Variants in PPFIA3 observed in about 807,000 individuals in gnomAD.
PPFIA3 encodes liprin-alpha-3.
Under a neutral mutation model 145.8 loss-of-function variants are expected in PPFIA3, and 26 were observed. The observed-to-expected ratio is 0.18, with a 90% CI of 0.13 to 0.25. The LOEUF is 0.25. Ranked by LOEUF, PPFIA3 falls within the 10% of genes least tolerant of loss-of-function variation. The pLI, the probability that PPFIA3 is intolerant of heterozygous loss-of-function variation, is 1.00. For synonymous variants in PPFIA3, 645 were observed against 661.4 expected, an observed-to-expected ratio of 0.98 and a Z score of 0.38; for missense variants, 1,008 against 1,587.8, an observed-to-expected ratio of 0.63 and a Z score of 6.21.
rs1274301138 is a variant in PPFIA3 at position 49,134,028 on chromosome 19, G to T, written c.1246-6G>T. 6.2e-7 allele frequency: 1 copy of T among 1,611,798 alleles called. No homozygotes were observed. The highest frequency in any genetic ancestry group is 8.5e-7 in the Non-Finnish European group (1 of 1,179,006). On this transcript the variant is annotated splice_region_variant and splice_polypyrimidine_tract_variant and intron_variant, in intron 10 of 29. Coordinates refer to ENST00000334186, the MANE Select transcript of PPFIA3 (RefSeq NM_003660.4). Reference sequence around the variant, plus strand: ...TTAACAACCCGCCCCGCTCTGCTTTGCGCAGGCCCGGCAGCGGGAGAAGAT... The same window carrying T: ...TTAACAACCCGCCCCGCTCTGCTTTTCGCAGGCCCGGCAGCGGGAGAAGAT...
intron 20 of PPFIA3, 59 bp downstream of exon 20, chr19:49,142,174 G>T: frequency 7.0e-7 from 1 of 1,437,476 alleles, no homozygotes; most frequent in African/African-American, 1.4e-5. Flanking sequence ...CAGCCCCACT[G>T]GTAGGGGCTG....
chr19:49,126,064 C>G (rs2040994448), intron 1 of PPFIA3, among the ~76,000 whole-genome samples: 1 of 152,062 alleles, frequency 6.6e-6, no homozygotes, highest in Non-Finnish European at 1.5e-5. Flanking sequence ...GATTCTCCTG[C>G]CTCAGCCTCC....
In PPFIA3 at chr19:49,133,553, G is replaced by A. The variant is rs1413554048; in HGVS notation, c.1161+182G>A. ...GGGGAGGGCCTGGAGGTTTGCGCGG[G>A]GGACGGATGGGAGCGGGGTTCTCTA... On this transcript the variant is annotated intron_variant, in intron 9 of 29. Transcript: ENST00000334186. This position sits in a 1 kb window ranked among gnomAD's most constrained non-coding sequence, Gnocchi z 7.2. 1.3e-5 allele frequency among the ~76,000 whole-genome samples: 2 copies of A among 152,172 alleles called. No homozygotes were observed. Among genetic ancestry groups the A allele is most frequent in the African/African-American group, 4.8e-5 (2 of 41,436 alleles).
Position 49,128,587 on chromosome 19 carries a change from T to C in PPFIA3, c.342+119T>C. 1.1e-6 allele frequency: 1 copy of C among 933,092 alleles called. No individual in the cohort carries two copies. The highest frequency in any genetic ancestry group is 1.6e-6 in the Non-Finnish European group (1 of 607,536). 57.8% of individuals were successfully genotyped at this position (933,092 alleles called of 1,614,324 possible). A position where few individuals can be genotyped will look rare whatever the true frequency, so the allele number is the denominator to read the frequency against. ...TTTTTTCCCCCATCTCGCCTTTCTG[T>C]CTTCTCCTCTTCCCTGCTCCCACTT... On this transcript the variant is annotated intron_variant, in intron 3 of 29. Transcript: ENST00000334186. This position sits in a 1 kb window ranked among gnomAD's most constrained non-coding sequence, Gnocchi z 4.1.
In PPFIA3 at chr19:49,130,801, A is replaced by G. The variant is rs1325148818; in HGVS notation, c.879+202A>G. Among the ~76,000 whole-genome samples, 1 of 152,232 alleles carries G rather than the reference A, an allele frequency of 6.6e-6. No individual in the cohort carries two copies. Among genetic ancestry groups the G allele is most frequent in the Admixed American group, 6.5e-5 (1 of 15,276 alleles). On this transcript the variant is annotated intron_variant, in intron 7 of 29. Transcript: ENST00000334186. The surrounding 1 kb of genome is among the most constrained non-coding windows in gnomAD (Gnocchi z 4.5). ...GCCTGTGGCGCAGAGTAGGCGCTCC[A>G]TAACTGCTCGTAATTACTTTGTTAC...
At chr19:49,143,925 T>A (rs1049816272) in intron 21 of PPFIA3, among the ~76,000 whole-genome samples, 9 of 152,218 alleles carry the variant, frequency 5.9e-5, no homozygotes, top group African/African-American at 2.2e-4. Context: ...GAGCCAAGCC[T>A]AAACATGAAA....
intron 21 of PPFIA3, chr19:49,145,586 C>G (rs567232934): frequency 3.5e-6 from 1 of 286,386 alleles, no homozygotes; most frequent in South Asian, 4.3e-5. Flanking sequence ...AAATGTGAAC[C>G]CCCCCCGCCA....
intron 20 of PPFIA3, among the ~76,000 whole-genome samples, chr19:49,142,366 A>G (rs148883672): frequency 7.0e-4 from 104 of 149,606 alleles, no homozygotes; most frequent in African/African-American, 2.2e-3. Flanking sequence ...CGTTCTCTCT[A>G]CTCTCTCTTT....
At chr19:49,139,082 A>G (rs570611373) in intron 16 of PPFIA3, among the ~76,000 whole-genome samples, 4 of 152,098 alleles carry the variant, frequency 2.6e-5, no homozygotes, top group Non-Finnish European at 5.9e-5. Flanking sequence ...ACTCCCTTAA[A>G]TTCAGCTTTC....
In PPFIA3 at chr19:49,136,926, C is replaced by T. The variant is rs780690007; in HGVS notation, c.1853+15C>T. 7.6e-5 allele frequency: 114 copies of T among 1,501,954 alleles called. No individual in the cohort carries two copies. Among genetic ancestry groups the T allele is most frequent in the Middle Eastern group, 2.4e-4 (1 of 4,250 alleles). The allele number at this position is 1,501,954 out of a possible 1,614,324, so 93.0% of individuals were successfully genotyped here. ...AAGGAGATCAAGTGAGCCCTGGCCC[C>T]GCCCCGGCCTGCCCTGCCCTGCCGG... On this transcript the variant is annotated intron_variant, in intron 15 of 29. Transcript: ENST00000334186.
rs750736691 is a variant in PPFIA3 at position 49,143,038 on chromosome 19, T to C, written c.2745+34T>C. On this transcript the variant is annotated intron_variant, in intron 21 of 29. Transcript: ENST00000334186. ...CCGGCGGCCAATTCCAGCCTTCGCT[T>C]CCTCAGAGCCCCGCCTCTTGCCCTC... 4.9e-5 allele frequency: 78 copies of C among 1,589,216 alleles called. No individual in the cohort carries two copies. In the Middle Eastern group the frequency reaches 8.3e-4, roughly 17 times the overall value.
chr19:49,132,961 A>C, intron 7 of PPFIA3, 40 bp from the exon 8 acceptor site: 3 of 1,593,264 alleles, frequency 1.9e-6, no homozygotes, highest in South Asian at 1.1e-5. Context: ...CCTCTCCCCC[A>C]GGGGCTCGCA....
chr19:49,130,679 G>A lies in PPFIA3; in HGVS notation c.879+80G>A. 3 of 1,238,712 alleles carry A rather than the reference G, an allele frequency of 2.4e-6. No individual in the cohort carries two copies. Among genetic ancestry groups the A allele is most frequent in the African/African-American group, 1.5e-5 (1 of 66,642 alleles). 76.7% of individuals were successfully genotyped at this position (1,238,712 alleles called of 1,614,324 possible). A position where few individuals can be genotyped will look rare whatever the true frequency, so the allele number is the denominator to read the frequency against. ...CTCCCTCGCGCATTGCTCATGAATG[G>A]CGGAACCTCGATTCAGTCCACAGGC... is the stretch of plus-strand genomic sequence containing the variant. On this transcript the variant is annotated intron_variant, in intron 7 of 29. Coordinates refer to ENST00000334186, the MANE Select transcript of PPFIA3 (RefSeq NM_003660.4). The surrounding 1 kb of genome is among the most constrained non-coding windows in gnomAD (Gnocchi z 4.5).
rs200075853 is a variant in PPFIA3, at chr19:49,122,714, GTTT to G, written c.-16+3010_-16+3012del. ...TTTTTGTTGTTGTTGTTGTTTAGTTGTTTTTTTTTTTTTTTTTTTTGGCGGGGG... is the reference window on the plus strand; with the variant it reads ...TTTTTGTTGTTGTTGTTGTTTAGTTGTTTTTTTTTTTTTTTTTGGCGGGGG... On this transcript the variant is annotated intron_variant, in intron 1 of 29. Coordinates refer to ENST00000334186, the MANE Select transcript of PPFIA3 (RefSeq NM_003660.4). 6.8e-4 allele frequency among the ~76,000 whole-genome samples: 78 copies of G among 114,840 alleles called. 6 individuals are homozygous for G. Among genetic ancestry groups the G allele is most frequent in the African/African-American group, 8.9e-4 (28 of 31,574 alleles). The allele number at this position is 114,840 out of a possible 152,430, so 75.3% of individuals were successfully genotyped here. A position where few individuals can be genotyped will look rare whatever the true frequency, so the allele number is the denominator to read the frequency against.
intron 7 of PPFIA3, among the ~76,000 whole-genome samples, chr19:49,132,768 G>C (rs1022436803): frequency 7.9e-5 from 12 of 152,164 alleles, no homozygotes; most frequent in Non-Finnish European, 1.3e-4. Flanking sequence ...TCTGAACCTG[G>C]AGGATCTGAG....
chr19:49,144,895 C>A (rs562791253), intron 21 of PPFIA3, among the ~76,000 whole-genome samples: 30 of 151,618 alleles, frequency 2.0e-4, no homozygotes, highest in African/African-American at 7.0e-4. Flanking sequence ...TAAGGGCATT[C>A]ACATTGTTGT....
In PPFIA3 at chr19:49,149,904, C is replaced by T; in HGVS notation, c.3527-176C>T. ...TAAATCCCACTCCCCCTTCCCAGGG[C>T]GGGAGTGAACTCGCCCAATGCGAGT... On this transcript the variant is annotated intron_variant, in intron 28 of 29. Transcript: ENST00000334186. The surrounding 1 kb of genome is among the most constrained non-coding windows in gnomAD (Gnocchi z 5.7). 9.1e-7 allele frequency: 1 copy of T among 1,103,636 alleles called. No individual in the cohort carries two copies. Among genetic ancestry groups the T allele is most frequent in the Non-Finnish European group, 1.3e-6 (1 of 782,464 alleles). The allele number at this position is 1,103,636 out of a possible 1,614,324, so 68.4% of individuals were successfully genotyped here. A position where few individuals can be genotyped will look rare whatever the true frequency, so the allele number is the denominator to read the frequency against.
At position 49,136,750 on chromosome 19, in the gene PPFIA3, C is replaced by A; in HGVS notation, c.1692C>A (p.Gly564=). ...SKDWERSAPA[G]SIPPPFPGEL... ...ATTGGGAGCGGTCTGCCCCTGCGGG[C>A]TCCATACCACCCCCATTCCCTGGGG... Residue 564 remains glycine, a synonymous_variant, in exon 15 of 30, where the codon GGC becomes GGA. Transcript: ENST00000334186. 1 of 1,564,604 alleles carries A rather than the reference C, an allele frequency of 6.4e-7. No homozygotes were observed. The highest frequency in any genetic ancestry group is 8.7e-7 in the Non-Finnish European group (1 of 1,152,664).
At position 49,148,707 on chromosome 19, in the gene PPFIA3, A is replaced by G. The variant is rs1021866835; in HGVS notation, c.3053A>G (p.Asn1018Ser). The G allele has an allele frequency of 1.2e-6, 2 of 1,614,168 alleles. No individual in the cohort carries two copies. Among genetic ancestry groups the G allele is most frequent in the Non-Finnish European group, 1.7e-6 (2 of 1,180,006 alleles). Residue 1018 changes from asparagine (N) to serine (S), a missense_variant, in exon 25 of 30, where the codon AAC (asparagine) becomes AGC (serine). Around this residue, in one of 11 missense-constraint regions of PPFIA3, gnomAD observed 154 missense variants for 369.2 expected, o/e 0.42. Coordinates refer to ENST00000334186, the MANE Select transcript of PPFIA3 (RefSeq NM_003660.4). ...HYGIMCLKRLNYDRKDLERRR... is the reference protein window; with the variant it reads ...HYGIMCLKRLSYDRKDLERRR... ...GGGATTATGTGCCTGAAACGGCTCA[A>G]CTATGACCGGAAGGACCTGGAGCGG...
Sources: allele counts gnomAD v4.1 joint callset (sites outside exome capture counted in the v4.1 genomes callset), GRCh38; gene constraint gnomAD v4.1.1; regional missense constraint gnomAD v4.1.1; non-coding constraint Gnocchi (gnomAD v3.1); transcripts MANE v1.5; gene names NCBI Gene and HGNC (gene_info 2026-07-23, HGNC 2026-07-21).